The following TTLL5 variants were observed in gnomAD, a reference collection of about 807,000 sequenced individuals.
TTLL5 encodes tubulin tyrosine ligase like 5.
In TTLL5, 132 loss-of-function variants were observed where a neutral mutation model predicts 168.4. The observed-to-expected ratio is 0.78, with a 90% CI of 0.68 to 0.91. TTLL5 has a LOEUF of 0.91. Among genes scored for constraint, TTLL5 ranks in the 40% least tolerant of loss-of-function variants. TTLL5 has a pLI of 0.00. For synonymous variants in TTLL5, 546 were observed against 558.6 expected (o/e 0.98, Z 0.32); for missense variants, 1,545 against 1,581.5 (o/e 0.98, Z 0.39).
chr14:75,671,955 G>A (rs943371383), intron 3 of TTLL5, among the ~76,000 whole-genome samples: 1 of 152,152 alleles, frequency 6.6e-6, no homozygotes, highest in Non-Finnish European at 1.5e-5. Flanking sequence ...TTGATCATAG[G>A]AAGAAAGCTT....
intron 29 of TTLL5, among the ~76,000 whole-genome samples, chr14:75,875,593 C>T (rs1246704096): frequency 3.3e-5 from 5 of 151,620 alleles, no homozygotes. Context: ...ATTTCCATAG[C>T]TTCAAATATA....
At chr14:75,908,812 T>C (rs1218580713) in intron 31 of TTLL5, among the ~76,000 whole-genome samples, 6 of 152,202 alleles carry the variant, frequency 3.9e-5, no homozygotes, top group African/African-American at 1.2e-4. Flanking sequence ...GGTCTTGCTC[T>C]GTTGCACAAG....
At chr14:75,855,150 GAAAA>G (rs55874311) in intron 28 of TTLL5, among the ~76,000 whole-genome samples, 2 of 130,496 alleles carry the variant, frequency 1.5e-5, no homozygotes, top group Admixed American at 8.0e-5. Context: ...TATGCTAGAA[GAAAA>G]AAAAAAAAAA....
intron 27 of TTLL5, 108 bp from the exon 28 acceptor site, chr14:75,819,899 C>T: frequency 8.0e-7 from 1 of 1,250,722 alleles, no homozygotes. Context: ...AGCTTCAGCT[C>T]AGAGGGGTCA....
At chr14:75,863,641 A>G in intron 28 of TTLL5, 26 bp from the exon 29 acceptor site, 2 of 1,578,732 alleles carry the variant, frequency 1.3e-6, no homozygotes, top group Admixed American at 1.8e-5. Context: ...ACTCACTCTA[A>G]GAAACCTGCT....
At chr14:75,846,707 T>G (rs1414963350) in intron 28 of TTLL5, among the ~76,000 whole-genome samples, 1 of 150,746 alleles carries the variant, frequency 6.6e-6, no homozygotes, top group Non-Finnish European at 1.5e-5. Context: ...GGAGAATCAC[T>G]TGAACCTGGG....
chr14:75,905,275 C>T (rs1298984317), intron 31 of TTLL5, among the ~76,000 whole-genome samples: 1 of 152,218 alleles, frequency 6.6e-6, no homozygotes, highest in Non-Finnish European at 1.5e-5. Context: ...GAGTCCAAGA[C>T]TATAGCAGAA....
At chr14:75,950,898 G>T (rs1419240846) in intron 31 of TTLL5, among the ~76,000 whole-genome samples, 2 of 151,978 alleles carry the variant, frequency 1.3e-5, no homozygotes, top group Non-Finnish European at 2.9e-5. Flanking sequence ...AGCTCAGGAG[G>T]TCGGGGCTTC....
At chr14:75,852,215 C>T (rs1012319769) in intron 28 of TTLL5, among the ~76,000 whole-genome samples, 18 of 152,206 alleles carry the variant, frequency 1.2e-4, no homozygotes, top group African/African-American at 4.3e-4. Context: ...TGGTCCTGTG[C>T]AGACCCGTGG....
chr14:75,706,945 A>C, intron 7 of TTLL5, 73 bp from the exon 8 acceptor site: 1 of 1,303,132 alleles, frequency 7.7e-7, no homozygotes, highest in Admixed American at 1.8e-5. Context: ...AAAGGTTAAG[A>C]ACTTTGCTCC....
Position 75,925,824 on chromosome 14 carries a change from G to A in TTLL5, c.3823+23600G>A, listed in dbSNP as rs557832974. On this transcript the variant is annotated intron_variant, in intron 31 of 31. Transcript: ENST00000298832. ...GGCACCTCGGGAGGCCGAGGCTGGC[G>A]GATCACTCGCGGTTAGGAGCTGGAG... is the stretch of plus-strand genomic sequence containing the variant. Among the ~76,000 whole-genome samples, 546 of 152,134 alleles carry A rather than the reference G, an allele frequency of 3.6e-3. 19 individuals are homozygous for A. The highest frequency in any genetic ancestry group is 0.012 in the African/African-American group (506 of 41,398).
At chr14:75,723,661 T>G (rs1887987787) in intron 12 of TTLL5, among the ~76,000 whole-genome samples, 2 of 152,152 alleles carry the variant, frequency 1.3e-5, no homozygotes, top group African/African-American at 4.8e-5. Context: ...CTTGGGAGCT[T>G]CATTATTGAA....
At chr14:75,781,911 C>T (rs1189725545) in intron 24 of TTLL5, among the ~76,000 whole-genome samples, 3 of 142,344 alleles carry the variant, frequency 2.1e-5, no homozygotes, top group Non-Finnish European at 3.0e-5. Flanking sequence ...GCCAAGATCG[C>T]GCAATTGCGC....
chr14:75,720,562 A>G (rs779912193), intron 11 of TTLL5, 34 bp from the exon 12 acceptor site: 41 of 1,415,660 alleles, frequency 2.9e-5, no homozygotes, highest in Non-Finnish European at 3.5e-5. Context: ...GTATTTTGAT[A>G]TTGAGTCTGA....
chr14:75,721,914 T>C (rs8003637), intron 12 of TTLL5, among the ~76,000 whole-genome samples: 109,115 of 152,020 alleles, frequency 0.72, 39,755 homozygotes, highest in Admixed American at 0.79. Context: ...TAAAATTATA[T>C]GGGAAAAGAA....
In TTLL5 at chr14:75,926,078, GGGCCGTGGGGAGA is replaced by G. The variant is rs1229967014; in HGVS notation, c.3823+23857_3823+23869del. Among the ~76,000 whole-genome samples, 3 of 150,174 alleles carry G rather than the reference GGGCCGTGGGGAGA, an allele frequency of 2.0e-5. No homozygotes were observed. In the East Asian group the frequency reaches 5.8e-4, roughly 29 times the overall value. On this transcript the variant is annotated intron_variant, in intron 31 of 31. Transcript: ENST00000298832. The stretch of plus-strand genomic sequence containing the variant: ...AGGGAGACCGTGGGCCGTGGGCCGT[GGGCCGTGGGGAGA>G]GGGAGAGGGAGAGGGAGAGGGAGAA...
chr14:75,854,111 A>G (rs932811640), intron 28 of TTLL5, among the ~76,000 whole-genome samples: 3 of 152,108 alleles, frequency 2.0e-5, no homozygotes, highest in Non-Finnish European at 4.4e-5. Flanking sequence ...GCAATTTTAT[A>G]TATCTTTGTT....
chr14:75,819,099 G>A (rs1443669708), intron 27 of TTLL5, among the ~76,000 whole-genome samples: 1 of 152,138 alleles, frequency 6.6e-6, no homozygotes, highest in Non-Finnish European at 1.5e-5. Flanking sequence ...TAAATGAGAT[G>A]TGTGCGACGT....
In TTLL5 at chr14:75,889,856, G is replaced by T. The variant is rs1463725495; in HGVS notation, c.3740+6954G>T. On this transcript the variant is annotated intron_variant, in intron 30 of 31. Transcript: ENST00000298832. ...AAAAAAAAAAAAAAGAGGAAGGAAGGAAGGGAAGAAGCGAGGGAGGGAGGG... is the reference window on the plus strand; with the variant it reads ...AAAAAAAAAAAAAAGAGGAAGGAAGTAAGGGAAGAAGCGAGGGAGGGAGGG... Among the ~76,000 whole-genome samples the T allele has an allele frequency of 2.8e-4, 36 of 128,230 alleles. No individual in the cohort carries two copies. In the Admixed American group the frequency reaches 2.8e-3, roughly 10 times the overall value. 84.1% of individuals were successfully genotyped at this position (128,230 alleles called of 152,430 possible). A position where few individuals can be genotyped will look rare whatever the true frequency, so the allele number is the denominator to read the frequency against.
Sources: allele counts gnomAD v4.1 joint callset (sites outside exome capture counted in the v4.1 genomes callset), GRCh38; gene constraint gnomAD v4.1.1; transcripts MANE v1.5; gene names NCBI Gene and HGNC (gene_info 2026-07-23, HGNC 2026-07-21).